ANKS1B: variants seen among roughly 807,000 people sequenced by gnomAD.
The protein encoded by ANKS1B is ankyrin repeat and sterile alpha motif domain containing 1B.
ANKS1B carries 36 observed loss-of-function variants against 148.3 expected under a neutral mutation model. The observed-to-expected ratio is 0.24, with a 90% CI of 0.19 to 0.32. The LOEUF is 0.32. ANKS1B is among the 10% of genes least tolerant of loss of function. The pLI, the probability that ANKS1B is intolerant of heterozygous loss-of-function variation, is 1.00. For missense variants in ANKS1B, 1,157 were observed against 1,542.6 expected, an observed-to-expected ratio of 0.75 and a Z score of 4.19; for synonymous variants, 542 against 560.8, an observed-to-expected ratio of 0.97 and a Z score of 0.47.
At chr12:99,484,577 G>C (rs2096460865) in intron 10 of ANKS1B, among the ~76,000 whole-genome samples, 6 of 151,816 alleles carry the variant, frequency 4.0e-5, no homozygotes, top group Admixed American at 3.3e-4. Context: ...CTGTCTAGTG[G>C]TGTCAGTGGT....
chr12:99,612,796 C>T (rs180790435), intron 9 of ANKS1B, among the ~76,000 whole-genome samples: 5 of 152,142 alleles, frequency 3.3e-5, no homozygotes, highest in Admixed American at 6.6e-5. Context: ...CTTTGCATTG[C>T]GTAAGTTAAA....
At chr12:99,659,718 A>G (rs1422074839) in intron 8 of ANKS1B, among the ~76,000 whole-genome samples, 1 of 152,214 alleles carries the variant, frequency 6.6e-6, no homozygotes, top group Admixed American at 6.5e-5. Context: ...TTCATAATTT[A>G]TAAAATGCTT....
At chr12:99,411,135 T>G (rs1215269303) in intron 11 of ANKS1B, among the ~76,000 whole-genome samples, 2 of 152,124 alleles carry the variant, frequency 1.3e-5, no homozygotes, top group Admixed American at 6.5e-5. Context: ...AAGTCAAGAT[T>G]CCAAGCCCCA....
intron 15 of ANKS1B, among the ~76,000 whole-genome samples, chr12:99,088,850 T>TG (rs1198700721): frequency 5.8e-5 from 8 of 139,110 alleles, no homozygotes; most frequent in Non-Finnish European, 1.2e-4. Flanking sequence ...TTTTTTTTTT[T>TG]TTTTTTTTTT....
intron 1 of ANKS1B, among the ~76,000 whole-genome samples, chr12:99,843,880 A>G (rs995485761): frequency 6.6e-6 from 1 of 152,110 alleles, no homozygotes; most frequent in Admixed American, 6.6e-5. Flanking sequence ...CAGCAGTGTA[A>G]AAGCATTCCT....
intron 8 of ANKS1B, among the ~76,000 whole-genome samples, chr12:99,752,390 A>C (rs1273980055): frequency 1.3e-5 from 2 of 151,954 alleles, no homozygotes; most frequent in African/African-American, 4.8e-5. Context: ...TTTACCTGCC[A>C]AACTCCAAGC....
chr12:99,064,394 C>T (rs932065143), intron 16 of ANKS1B, among the ~76,000 whole-genome samples: 1 of 152,150 alleles, frequency 6.6e-6, no homozygotes, highest in Non-Finnish European at 1.5e-5. Context: ...GTTTTCAAGA[C>T]ACATAGGGGA....
intron 12 of ANKS1B, among the ~76,000 whole-genome samples, chr12:99,373,027 G>A (rs1305627905): frequency 6.6e-6 from 1 of 152,128 alleles, no homozygotes; most frequent in East Asian, 1.9e-4. Flanking sequence ...GATCATGAAA[G>A]TTTGAGGTAC....
chr12:99,627,672 C>G (rs981621441), intron 9 of ANKS1B, among the ~76,000 whole-genome samples: 2 of 152,136 alleles, frequency 1.3e-5, no homozygotes, highest in African/African-American at 4.8e-5. Flanking sequence ...GCAATGCACA[C>G]AGCAGAGTGT....
At chr12:99,637,538 T>C (rs2098250586) in intron 9 of ANKS1B, among the ~76,000 whole-genome samples, 1 of 152,064 alleles carries the variant, frequency 6.6e-6, no homozygotes, top group South Asian at 2.1e-4. Context: ...CCACCCTTAA[T>C]CTGGGCAGGC....
chr12:99,025,263 T>C (rs979015478), intron 17 of ANKS1B, among the ~76,000 whole-genome samples: 8 of 152,124 alleles, frequency 5.3e-5, no homozygotes, highest in African/African-American at 1.9e-4. Flanking sequence ...GGATAATAGA[T>C]TGAGAAAATG....
intron 4 of ANKS1B, among the ~76,000 whole-genome samples, chr12:99,788,138 C>A (rs565608718): frequency 2.6e-5 from 4 of 152,302 alleles, no homozygotes; most frequent in South Asian, 2.1e-4. Flanking sequence ...AGGGAGACAG[C>A]GGCAGATATG....
At chr12:98,870,200 C>T (rs1164187283) in intron 17 of ANKS1B, among the ~76,000 whole-genome samples, 1 of 152,216 alleles carries the variant, frequency 6.6e-6, no homozygotes, top group East Asian at 1.9e-4. Flanking sequence ...AGCACATGAA[C>T]AATGCTTAAA....
intron 8 of ANKS1B, among the ~76,000 whole-genome samples, chr12:99,750,457 C>T (rs1001142150): frequency 5.9e-5 from 9 of 151,990 alleles, no homozygotes; most frequent in African/African-American, 2.2e-4. Flanking sequence ...ATGAGAACTA[C>T]AAAAATCAAC....
At chr12:99,451,562 T>C (rs11612758) in intron 10 of ANKS1B, among the ~76,000 whole-genome samples, 217 of 152,206 alleles carry the variant, frequency 1.4e-3, no homozygotes, top group Middle Eastern at 3.4e-3. Context: ...TGTAGAGAGA[T>C]GGGAAAGAGG....
Position 99,158,274 on chromosome 12 carries a change from A to G in ANKS1B, c.2420-3879T>C, listed in dbSNP as rs1245698641. Among the ~76,000 whole-genome samples the G allele has an allele frequency of 5.3e-5, 8 of 152,184 alleles. No homozygotes were observed. The East Asian group carries it at 1.5e-3, about 29-fold the overall frequency. On this transcript the variant is annotated intron_variant, in intron 14 of 26. Coordinates refer to ENST00000683438, the MANE Select transcript of ANKS1B (RefSeq NM_001352186.2). ...ATTCTTAAAGCATAACAACACACTA[A>G]TTAGGCAGGAACTTTTATTCAACTA... is the stretch of plus-strand genomic sequence containing the variant.
chr12:99,321,838 A>T lies in ANKS1B; in HGVS notation c.1757-74974T>A, dbSNP rs553265606. 5.3e-5 allele frequency among the ~76,000 whole-genome samples: 8 copies of T among 152,308 alleles called. No individual in the cohort carries two copies. The East Asian group carries it at 1.5e-3, about 29-fold the overall frequency. On this transcript the variant is annotated intron_variant, in intron 12 of 26. Coordinates refer to ENST00000683438, the MANE Select transcript of ANKS1B (RefSeq NM_001352186.2). Reference sequence around the variant, plus strand: ...CTTGGGACCATCCAGAATGGTAATTATTAAAAAGTCAAGAAAGAATAGATG... The same window carrying T: ...CTTGGGACCATCCAGAATGGTAATTTTTAAAAAGTCAAGAAAGAATAGATG...
chr12:98,839,589 C>T (rs983843484), intron 17 of ANKS1B, among the ~76,000 whole-genome samples: 8 of 152,128 alleles, frequency 5.3e-5, no homozygotes, highest in African/African-American at 1.9e-4. Context: ...AACTTTCTTA[C>T]CCTATCAACA....
At chr12:98,885,106 T>A (rs141873087) in intron 17 of ANKS1B, among the ~76,000 whole-genome samples, 1 of 152,262 alleles carries the variant, frequency 6.6e-6, no homozygotes, top group African/African-American at 2.4e-5. Flanking sequence ...ATCTCTAGGT[T>A]CCATCTCTAA....
Sources: gnomAD v4.1 joint callset for allele counts (sites outside exome capture counted in the v4.1 genomes callset) on GRCh38, gnomAD v4.1.1 for gene constraint, MANE v1.5 for transcripts, NCBI Gene and HGNC (gene_info 2026-07-23, HGNC 2026-07-21) for gene names.